The following WWP2 variants were observed in gnomAD, a reference collection of about 807,000 sequenced individuals.
WWP2 encodes NEDD4-like E3 ubiquitin-protein ligase WWP2.
In WWP2, 57 loss-of-function variants were observed where a neutral mutation model predicts 121.0. The observed-to-expected ratio is 0.47, with a 90% CI of 0.38 to 0.59. The LOEUF is 0.59. Among genes scored for constraint, WWP2 ranks in the 20% least tolerant of loss-of-function variants. WWP2 has a pLI of 0.00. For synonymous variants in WWP2, 449 were observed against 441.3 expected (o/e 1.02, Z -0.22); for missense variants, 962 against 1,158.9 (o/e 0.83, Z 2.47).
intron 8 of WWP2, among the ~76,000 whole-genome samples, chr16:69,907,399 C>T (rs2058311006): frequency 6.6e-6 from 1 of 152,182 alleles, no homozygotes; most frequent in Admixed American, 6.5e-5. Flanking sequence ...AACAAATTTG[C>T]ATTTTCAAAG....
rs188257425 is a variant in WWP2, at chr16:69,797,771, C to G, written c.71-911C>G. Among the ~76,000 whole-genome samples the G allele has an allele frequency of 2.0e-3, 302 of 152,054 alleles. 2 individuals are homozygous for G. Among genetic ancestry groups the G allele is most frequent in the African/African-American group, 6.8e-3 (284 of 41,462 alleles). On this transcript the variant is annotated intron_variant, in intron 2 of 23. Coordinates refer to ENST00000359154, the MANE Select transcript of WWP2 (RefSeq NM_001270454.2). ...AGGCACGGTGGCGGGCGCCTGTAAT[C>G]CCAGCTACTCAGGAGGCTAAGGCAG...
At chr16:69,876,357 T>G (rs562956327) in intron 7 of WWP2, among the ~76,000 whole-genome samples, 168 of 150,804 alleles carry the variant, frequency 1.1e-3, no homozygotes, top group African/African-American at 3.9e-3. Context: ...TTTTGGGGTT[T>G]TTTTTTTTTT....
intron 1 of WWP2, among the ~76,000 whole-genome samples, chr16:69,778,158 C>G (rs2055578125): frequency 7.0e-6 from 1 of 143,754 alleles, no homozygotes; most frequent in African/African-American, 2.6e-5. Flanking sequence ...TACATACACA[C>G]TCATACTATA....
chr16:69,779,825 T>C (rs144881506), intron 1 of WWP2, among the ~76,000 whole-genome samples: 43 of 152,336 alleles, frequency 2.8e-4, no homozygotes, highest in African/African-American at 1.0e-3. Flanking sequence ...AGGCTCAATT[T>C]ATAATTATTT....
chr16:69,839,001 G>T (rs2056926370), intron 4 of WWP2: 1 of 240,154 alleles, frequency 4.2e-6, no homozygotes, highest in Non-Finnish European at 6.4e-6. Flanking sequence ...TTTTTGGGGG[G>T]GTGGGGGAAG....
At chr16:69,930,757 A>C (rs1327476321) in intron 13 of WWP2, among the ~76,000 whole-genome samples, 1 of 152,188 alleles carries the variant, frequency 6.6e-6, no homozygotes, top group Non-Finnish European at 1.5e-5. Flanking sequence ...CTGTAGTCCT[A>C]GCTACTTGGA....
intron 6 of WWP2, 96 bp downstream of exon 6, chr16:69,842,216 CTG>C: frequency 8.3e-7 from 1 of 1,206,248 alleles, no homozygotes; most frequent in Non-Finnish European, 1.2e-6. Flanking sequence ...ATGGTAGAAA[CTG>C]TTGGAGATTT....
chr16:69,936,655 G>T lies in WWP2; in HGVS notation c.2117+203G>T, dbSNP rs2058803294. The T allele has an allele frequency of 5.8e-6, 4 of 694,408 alleles. No homozygotes were observed. In the South Asian group the frequency reaches 7.7e-5, roughly 13 times the overall value. The allele number at this position is 694,408 out of a possible 1,614,324, so 43.0% of individuals were successfully genotyped here. Reference sequence around the variant, plus strand: ...CGAGGTCCTTAGTTACCGACTCCCAGCTGTGCTTTTTCGCCATGTGGGAGA... The same window carrying T: ...CGAGGTCCTTAGTTACCGACTCCCATCTGTGCTTTTTCGCCATGTGGGAGA... On this transcript the variant is annotated intron_variant, in intron 19 of 23. Transcript: ENST00000359154.
In WWP2 at chr16:69,912,084, T is replaced by C. The variant is rs371273312; in HGVS notation, c.1004+3234T>C. Reference sequence around the variant, plus strand: ...GCAGGTGGATCATGAAGTCAGGAGATTGAGACCATCCTGGCTAACACGGTG... The same window carrying C: ...GCAGGTGGATCATGAAGTCAGGAGACTGAGACCATCCTGGCTAACACGGTG... On this transcript the variant is annotated intron_variant, in intron 9 of 23. Transcript: ENST00000359154. Among the ~76,000 whole-genome samples, 27 of 152,074 alleles carry C rather than the reference T, an allele frequency of 1.8e-4. No homozygotes were observed. The South Asian group carries it at 4.8e-3, about 27-fold the overall frequency.
At chr16:69,869,508 T>A (rs987427364) in intron 6 of WWP2, among the ~76,000 whole-genome samples, 1 of 151,876 alleles carries the variant, frequency 6.6e-6, no homozygotes, top group Non-Finnish European at 1.5e-5. Context: ...CACACCTGGC[T>A]AATTTTTTAA....
At chr16:69,930,607 G>C (rs1468657738) in intron 13 of WWP2, among the ~76,000 whole-genome samples, 8 of 152,212 alleles carry the variant, frequency 5.3e-5, no homozygotes, top group African/African-American at 9.7e-5. Flanking sequence ...GCTGAGGTGG[G>C]AGGATCCCTT....
chr16:69,938,940 G>C, intron 21 of WWP2, 87 bp from the exon 22 acceptor site: 1 of 1,274,258 alleles, frequency 7.8e-7, no homozygotes, highest in Admixed American at 2.0e-5. Context: ...CCAAAGAGGG[G>C]CCCCGCTGAG....
In WWP2 at chr16:69,915,654, C is replaced by T. The variant is rs57037249; in HGVS notation, c.1005-2055C>T. Among the ~76,000 whole-genome samples the T allele has an allele frequency of 2.6e-3, 391 of 152,276 alleles. 2 individuals carry two copies. Among genetic ancestry groups the T allele is most frequent in the African/African-American group, 7.7e-3 (318 of 41,566 alleles). ...ATTGAGAGTTGAAAGTGGTTGCCTT[C>T]GGGGAACAGGAGTCAGCAATGGGGC... On this transcript the variant is annotated intron_variant, in intron 9 of 23. Transcript: ENST00000359154.
chr16:69,928,713 C>A (rs965249667), intron 11 of WWP2, among the ~76,000 whole-genome samples: 5 of 151,996 alleles, frequency 3.3e-5, no homozygotes, highest in African/African-American at 9.7e-5. Flanking sequence ...AGTTCGAGAC[C>A]AGCCAGGACA....
At position 69,840,178 on chromosome 16, in the gene WWP2, T is replaced by C; in HGVS notation, c.393T>C (p.Val131=). ...LNLQTENKGS[V]VSGGELTIFL... ...TGCAGACGGAGAACAAAGGCAGCGT[T>C]GTCTCAGGCGGAGAGCTGACAATTT... Residue 131 remains valine, a synonymous_variant, in exon 5 of 24, where the codon GTT becomes GTC. Transcript: ENST00000359154. 6.2e-7 allele frequency: 1 copy of C among 1,614,268 alleles called. No individual in the cohort carries two copies. The highest frequency in any genetic ancestry group is 8.5e-7 in the Non-Finnish European group (1 of 1,180,048).
chr16:69,860,146 G>T (rs1020250893), intron 6 of WWP2, among the ~76,000 whole-genome samples: 1 of 151,844 alleles, frequency 6.6e-6, no homozygotes, highest in South Asian at 2.1e-4. Context: ...GACCCCCATC[G>T]CTATAAAAAA....
chr16:69,783,787 A>G (rs1023827895), intron 1 of WWP2, among the ~76,000 whole-genome samples: 3 of 151,800 alleles, frequency 2.0e-5, no homozygotes, highest in Non-Finnish European at 4.4e-5. Context: ...TTCTACAACA[A>G]CAACAACAAC....
chr16:69,818,405 C>T (rs2056535779), intron 4 of WWP2, among the ~76,000 whole-genome samples: 2 of 152,090 alleles, frequency 1.3e-5, no homozygotes, highest in Admixed American at 6.5e-5. Flanking sequence ...TGGGGTTTCA[C>T]CATGTTGACT....
At chr16:69,875,768 C>A (rs1469898590) in intron 7 of WWP2, among the ~76,000 whole-genome samples, 1 of 152,130 alleles carries the variant, frequency 6.6e-6, no homozygotes, top group Admixed American at 6.6e-5. Flanking sequence ...TTCTAGCTCT[C>A]TTGCTATTTC....
Sources: gnomAD v4.1 joint callset for allele counts (sites outside exome capture counted in the v4.1 genomes callset) on GRCh38, gnomAD v4.1.1 for gene constraint, MANE v1.5 for transcripts, NCBI Gene and HGNC (gene_info 2026-07-23, HGNC 2026-07-21) for gene names.